AGO1: variants seen among roughly 807,000 people sequenced by gnomAD.
AGO1 encodes the protein argonaute RISC component 1.
Under a neutral mutation model 109.2 loss-of-function variants are expected in AGO1, and 11 were observed. The ratio of observed to expected loss-of-function variants is 0.10; its 90% CI spans 0.06 to 0.17. The LOEUF (loss-of-function observed/expected upper bound fraction) is 0.17, where lower values mean the gene tolerates loss of function less well. Ranked by LOEUF, AGO1 falls within the 10% of genes least tolerant of loss-of-function variation. AGO1 has a pLI of 1.00. For synonymous variants in AGO1, 422 were observed against 418.6 expected (o/e 1.01, Z -0.10); for missense variants, 574 against 1,140.3 (o/e 0.50, Z 7.15).
chr1:35,904,671 C>T (rs1284478370), intron 11 of AGO1, among the ~76,000 whole-genome samples: 1 of 152,154 alleles, frequency 6.6e-6, no homozygotes, highest in East Asian at 1.9e-4. Flanking sequence ...AAGAATGTGG[C>T]TTATGCATCT....
In AGO1 at chr1:35,883,382, A is replaced by C. The variant is rs748181964; in HGVS notation, c.-40A>C. On this transcript the variant is annotated 5_prime_UTR_variant, in exon 1 of 19. Coordinates refer to ENST00000373204, the MANE Select transcript of AGO1 (RefSeq NM_012199.5). This position sits in a 1 kb window ranked among gnomAD's most constrained non-coding sequence, Gnocchi z 5.4. Reference sequence around the variant, plus strand: ...ACCTAGGCCCCTCACGCTGGACTTCACAGTCTCCGGGCCGCCTGACCTCCG... The same window carrying C: ...ACCTAGGCCCCTCACGCTGGACTTCCCAGTCTCCGGGCCGCCTGACCTCCG... 1.9e-6 allele frequency: 3 copies of C among 1,582,642 alleles called. No individual in the cohort carries two copies. The highest frequency in any genetic ancestry group is 3.5e-5 in the Admixed American group (2 of 56,448).
intron 1 of AGO1, among the ~76,000 whole-genome samples, chr1:35,877,627 T>C (rs1365459892): frequency 6.6e-6 from 1 of 152,196 alleles, no homozygotes; most frequent in Non-Finnish European, 1.5e-5. Flanking sequence ...ATGTGGCTAG[T>C]CTGAATTGAG....
At chr1:35,872,104 T>C (rs1223597003) in intron 1 of AGO1, among the ~76,000 whole-genome samples, 1 of 151,560 alleles carries the variant, frequency 6.6e-6, no homozygotes, top group Non-Finnish European at 1.5e-5. Flanking sequence ...AGTGTTCTGT[T>C]ATTCCTTGAA....
chr1:35,883,220 G>A lies in AGO1; in HGVS notation c.-202G>A. On this transcript the variant is annotated 5_prime_UTR_variant, in exon 1 of 19. Coordinates refer to ENST00000373204, the MANE Select transcript of AGO1 (RefSeq NM_012199.5). The surrounding 1 kb of genome is among the most constrained non-coding windows in gnomAD (Gnocchi z 5.4). ...GGTCGCGCCTGCGCACTGGCAGCTG[G>A]CCGGGCGCTCGCAGTGGGAGCTGCT... 3 of 1,218,260 alleles carry A rather than the reference G, an allele frequency of 2.5e-6. No individual in the cohort carries two copies. The highest frequency in any genetic ancestry group is 2.0e-6 in the Non-Finnish European group (2 of 975,624). 75.5% of individuals were successfully genotyped at this position (1,218,260 alleles called of 1,614,324 possible).
chr1:35,887,984 C>G (rs1177719458), intron 1 of AGO1, among the ~76,000 whole-genome samples: 4 of 152,082 alleles, frequency 2.6e-5, no homozygotes, highest in Non-Finnish European at 5.9e-5. Flanking sequence ...AAAGGAACAT[C>G]AAGGTTATGC....
rs566671117 is a variant in AGO1 at position 35,930,438 on chromosome 1, G to C, written c.*10831G>C. The C allele has an allele frequency of 6.6e-6, 1 of 152,338 alleles. No individual in the cohort carries two copies. The highest frequency in any genetic ancestry group is 2.4e-5 in the African/African-American group (1 of 41,588). 9.4% of individuals were successfully genotyped at this position (152,338 alleles called of 1,614,324 possible). Reference sequence around the variant, plus strand: ...AGCCAACCAGTATAGCTGTAGCACAGGCGGGGCCCATTTACGCCGTGCGTT... The same window carrying C: ...AGCCAACCAGTATAGCTGTAGCACACGCGGGGCCCATTTACGCCGTGCGTT... On this transcript the variant is annotated 3_prime_UTR_variant, in exon 19 of 19. Transcript: ENST00000373204.
intron 14 of AGO1, 117 bp downstream of exon 14, chr1:35,914,391 T>A: frequency 1.3e-6 from 1 of 755,238 alleles, no homozygotes; most frequent in Non-Finnish European, 2.2e-6. Flanking sequence ...GATGTCCATT[T>A]AGCTCGCTAT....
chr1:35,905,548 G>C (rs1198769186), intron 11 of AGO1, among the ~76,000 whole-genome samples: 1 of 152,002 alleles, frequency 6.6e-6, no homozygotes, highest in Non-Finnish European at 1.5e-5. Flanking sequence ...GCTCACTGCA[G>C]CCTCTGCCTC....
chr1:35,894,077 G>A lies in AGO1; in HGVS notation c.690G>A (p.Glu230=). The A allele has an allele frequency of 1.3e-6, 2 of 1,580,636 alleles. No homozygotes were observed. Among genetic ancestry groups the A allele is most frequent in the Non-Finnish European group, 1.7e-6 (2 of 1,165,036 alleles). Residue 230 remains glutamate, a synonymous_variant, in exon 6 of 19, where the codon GAG becomes GAA. Transcript: ENST00000373204. ...TAFYKAQPVI[E]FMCEVLDIRN... ...TTTATAAGGCACAGCCAGTGATTGAGTTCATGTGTGAGGTGCTGGACATCA... is the reference window on the plus strand; with the variant it reads ...TTTATAAGGCACAGCCAGTGATTGAATTCATGTGTGAGGTGCTGGACATCA...
At position 35,871,301 on chromosome 1, in the gene AGO1, T is replaced by G. The variant is rs1025785745; in HGVS notation, c.-201+1398T>G. On this transcript the variant is annotated intron_variant, in intron 1 of 18. Coordinates refer to the AGO1 transcript ENST00000373206. ...TGGCTCATGCTTGTAATCCCAGCAC[T>G]TTGGGAGGCCGAGGTGGGTGGGTCG... 2.0e-5 allele frequency among the ~76,000 whole-genome samples: 3 copies of G among 152,234 alleles called. No individual in the cohort carries two copies. In the South Asian group the frequency reaches 6.2e-4, roughly 32 times the overall value.
At chr1:35,903,154 C>T (rs1394150633) in intron 11 of AGO1, among the ~76,000 whole-genome samples, 3 of 151,712 alleles carry the variant, frequency 2.0e-5, no homozygotes, top group Admixed American at 2.0e-4. Flanking sequence ...CCACAGGCGC[C>T]CGCCACCACG....
intron 1 of AGO1, among the ~76,000 whole-genome samples, chr1:35,887,399 A>G (rs1645138437): frequency 6.6e-6 from 1 of 152,110 alleles, no homozygotes; most frequent in Non-Finnish European, 1.5e-5. Context: ...TCTTCCCCCC[A>G]AGCTAGAAAA....
chr1:35,917,028 C>G (rs1328533468), intron 15 of AGO1, among the ~76,000 whole-genome samples: 2 of 152,236 alleles, frequency 1.3e-5, no homozygotes, highest in African/African-American at 2.4e-5. Flanking sequence ...TTTTGACCCT[C>G]TGTATCTGAC....
At chr1:35,909,947 C>T (rs770795357) in intron 12 of AGO1, among the ~76,000 whole-genome samples, 1 of 152,030 alleles carries the variant, frequency 6.6e-6, no homozygotes, top group Non-Finnish European at 1.5e-5. Context: ...GGGAATGGTA[C>T]AGCATGCTTC....
chr1:35,883,277 C>CG lies in AGO1; in HGVS notation c.-140dup. 7.2e-7 allele frequency: 1 copy of CG among 1,397,666 alleles called. No homozygotes were observed. Among genetic ancestry groups the CG allele is most frequent in the Non-Finnish European group, 9.3e-7 (1 of 1,075,680 alleles). The allele number at this position is 1,397,666 out of a possible 1,614,324, so 86.6% of individuals were successfully genotyped here. A position where few individuals can be genotyped will look rare whatever the true frequency, so the allele number is the denominator to read the frequency against. On this transcript the variant is annotated 5_prime_UTR_variant, in exon 1 of 19. Coordinates refer to ENST00000373204, the MANE Select transcript of AGO1 (RefSeq NM_012199.5). This position sits in a 1 kb window ranked among gnomAD's most constrained non-coding sequence, Gnocchi z 5.4. ...TCCGCGGCGGCGGCAACGGAGGCTG[C>CG]GGGGGCGGCGGCGCGAGCGGCCGGG... is the stretch of plus-strand genomic sequence containing the variant.
chr1:35,870,330 C>CTGGG (rs1644938178), intron 1 of AGO1, among the ~76,000 whole-genome samples: 1 of 151,782 alleles, frequency 6.6e-6, no homozygotes, highest in African/African-American at 2.4e-5. Flanking sequence ...GTCGCCCAGG[C>CTGGG]TGGGGTGCAG....
intron 11 of AGO1, among the ~76,000 whole-genome samples, chr1:35,906,447 C>G (rs1645520964): frequency 6.6e-6 from 1 of 152,214 alleles, no homozygotes; most frequent in Admixed American, 6.5e-5. Flanking sequence ...TTAGCAAGTA[C>G]TCTCTTACCT....
Position 35,883,795 on chromosome 1 carries a change from G to A in AGO1, c.25+349G>A, listed in dbSNP as rs1221179952. 2.0e-5 allele frequency among the ~76,000 whole-genome samples: 3 copies of A among 152,214 alleles called. No homozygotes were observed. The highest frequency in any genetic ancestry group is 4.4e-5 in the Non-Finnish European group (3 of 68,038). On this transcript the variant is annotated intron_variant, in intron 1 of 18. Coordinates refer to ENST00000373204, the MANE Select transcript of AGO1 (RefSeq NM_012199.5). This position sits in a 1 kb window ranked among gnomAD's most constrained non-coding sequence, Gnocchi z 5.4. ...CTCCAGGTGTCCAGGAGAGGAGGGG[G>A]CGACACAGATGGGCCTGGAGCTACC...
At position 35,894,059 on chromosome 1, in the gene AGO1, G is replaced by A; in HGVS notation, c.672G>A (p.Lys224=). 2 of 1,563,662 alleles carry A rather than the reference G, an allele frequency of 1.3e-6. No homozygotes were observed. Among genetic ancestry groups the A allele is most frequent in the Non-Finnish European group, 1.7e-6 (2 of 1,157,512 alleles). The change falls in exon 6 of 19, where the codon AAG becomes AAA. Residue 224 remains lysine, a synonymous_variant. Coordinates refer to ENST00000373204, the MANE Select transcript of AGO1 (RefSeq NM_012199.5). ...NIDVSATAFY[K]AQPVIEFMCE... is the part of the protein sequence containing the mutation. Reference sequence around the variant, plus strand: ...CAGTCTCAGCCACTGCCTTTTATAAGGCACAGCCAGTGATTGAGTTCATGT... The same window carrying A: ...CAGTCTCAGCCACTGCCTTTTATAAAGCACAGCCAGTGATTGAGTTCATGT...
Sources: allele counts gnomAD v4.1 joint callset (sites outside exome capture counted in the v4.1 genomes callset), GRCh38; gene constraint gnomAD v4.1.1; non-coding constraint Gnocchi (gnomAD v3.1); transcripts MANE v1.5; gene names NCBI Gene and HGNC (gene_info 2026-07-23, HGNC 2026-07-21).